SNRPN: variants seen among roughly 807,000 people sequenced by gnomAD.
The protein encoded by SNRPN is small nuclear ribonucleoprotein-associated protein N.
A neutral mutation model predicts 25.2 loss-of-function variants in SNRPN; 7 were observed. The ratio of observed to expected loss-of-function variants is 0.28; its 90% CI spans 0.16 to 0.52. The LOEUF (loss-of-function observed/expected upper bound fraction) is 0.52. Among genes scored for constraint, SNRPN ranks in the 20% least tolerant of loss-of-function variants. The pLI is 0.96. For synonymous variants in SNRPN, 124 were observed against 110.6 expected (o/e 1.12, Z -0.76); for missense variants, 196 against 322.5 (o/e 0.61, Z 3.00).
At chr15:24,882,447 T>C (rs957214966) in intron 1 of SNRPN, among the ~76,000 whole-genome samples, 2 of 152,072 alleles carry the variant, frequency 1.3e-5, no homozygotes, top group African/African-American at 2.4e-5. Flanking sequence ...AGACTAAGAG[T>C]GTGTGATTTC....
chr15:24,846,430 T>A (rs986335437), intron 2 of SNRPN, among the ~76,000 whole-genome samples: 1 of 152,196 alleles, frequency 6.6e-6, no homozygotes, highest in South Asian at 2.1e-4. Context: ...ATTTCTCCTT[T>A]ATTTGAGGCA....
At chr15:24,863,970 C>T (rs896629535) in intron 1 of SNRPN, among the ~76,000 whole-genome samples, 4 of 148,720 alleles carry the variant, frequency 2.7e-5, no homozygotes, top group South Asian at 2.1e-4. Context: ...TTTAGATTAT[C>T]GATTTTTAGA....
In SNRPN at chr15:24,962,175, A is replaced by C; in HGVS notation, c.-329A>C. ...CGTACCAGAGGTGGAAGTCCAAGTC[A>C]AACGCAGAAGGACTGCCTCACTGAG... is the stretch of plus-strand genomic sequence containing the variant. On this transcript the variant is annotated 5_prime_UTR_variant, in exon 2 of 10. Transcript: ENST00000390687. 6.2e-7 allele frequency: 1 copy of C among 1,614,186 alleles called. No homozygotes were observed. Among genetic ancestry groups the C allele is most frequent in the Non-Finnish European group, 8.5e-7 (1 of 1,180,030 alleles).
intron 1 of SNRPN, among the ~76,000 whole-genome samples, chr15:24,960,821 T>G (rs2074669128): frequency 6.6e-6 from 1 of 152,156 alleles, no homozygotes; most frequent in Non-Finnish European, 1.5e-5. Context: ...ATACAAAAGC[T>G]GTAGATAGTT....
At chr15:24,948,719 A>C (rs947977185) in intron 3 of SNRPN, among the ~76,000 whole-genome samples, 1 of 152,080 alleles carries the variant, frequency 6.6e-6, no homozygotes, top group East Asian at 1.9e-4. Flanking sequence ...TACTGGTCGA[A>C]TGTTTGTAGA....
At chr15:24,911,230 G>C in intron 2 of SNRPN, 1 of 448,324 alleles carries the variant, frequency 2.2e-6, no homozygotes, top group Non-Finnish European at 3.9e-6. Context: ...GCCTTGTAAA[G>C]AATTTTTTAA....
chr15:24,967,828 A>AAAG, intron 2 of SNRPN, 104 bp from the exon 3 acceptor site: 1 of 819,924 alleles, frequency 1.2e-6, no homozygotes, highest in Non-Finnish European at 1.9e-6. Flanking sequence ...AAAAAAAAAA[A>AAAG]GGAATATCTT....
intron 1 of SNRPN, among the ~76,000 whole-genome samples, chr15:24,828,105 TAACAC>T (rs2050230223): frequency 2.0e-5 from 3 of 152,114 alleles, no homozygotes; most frequent in South Asian, 4.1e-4. Flanking sequence ...ACATAAAATT[TAACAC>T]AATATTGAGA....
chr15:24,925,200 A>G (rs2060297755), intron 3 of SNRPN, among the ~76,000 whole-genome samples: 1 of 152,194 alleles, frequency 6.6e-6, no homozygotes, highest in Non-Finnish European at 1.5e-5. Context: ...CTCCAAATCC[A>G]TAGTATATAT....
At chr15:24,918,989 ATG>A (rs1435327611) in intron 2 of SNRPN, among the ~76,000 whole-genome samples, 15 of 120,500 alleles carry the variant, frequency 1.2e-4, no homozygotes, top group South Asian at 8.9e-4. Context: ...CATAATATAT[ATG>A]TGCGCATATA....
intron 2 of SNRPN, among the ~76,000 whole-genome samples, chr15:24,835,100 ATATATAC>A (rs2051012230): frequency 1.7e-4 from 3 of 17,928 alleles, no homozygotes; most frequent in African/African-American, 2.2e-4. Context: ...ATATATAGAT[ATATATAC>A]TATATATCTA....
chr15:24,949,427 AT>A (rs2062095997), intron 3 of SNRPN, among the ~76,000 whole-genome samples: 1 of 152,096 alleles, frequency 6.6e-6, no homozygotes, highest in Non-Finnish European at 1.5e-5. Flanking sequence ...AAGTGGGATG[AT>A]TTTTTGAGTG....
At chr15:24,853,807 G>A (rs1048627411), upstream of SNRPN, among the ~76,000 whole-genome samples, 1 of 152,116 alleles carries the variant, frequency 6.6e-6, no homozygotes, top group Non-Finnish European at 1.5e-5. Flanking sequence ...TTACCTATTT[G>A]AATTACTTCT....
At chr15:24,960,914 T>G (rs970414548) in intron 1 of SNRPN, among the ~76,000 whole-genome samples, 2 of 152,202 alleles carry the variant, frequency 1.3e-5, no homozygotes, top group African/African-American at 4.8e-5. Context: ...AATGTGTCTG[T>G]CACCTGAAAA....
chr15:24,930,877 C>G (rs1052155763), intron 3 of SNRPN, among the ~76,000 whole-genome samples: 1 of 148,148 alleles, frequency 6.8e-6, no homozygotes, highest in Admixed American at 6.8e-5. Context: ...CCAGCTTGGG[C>G]GACAAAGCAA....
intron 2 of SNRPN, among the ~76,000 whole-genome samples, chr15:24,834,751 CTA>C (rs796257838): frequency 0.12 from 7,290 of 60,672 alleles, 390 homozygotes; most frequent in South Asian, 0.15. Context: ...CTCTCTCTCT[CTA>C]TATATATATA....
At position 24,866,968 on chromosome 15, in the gene SNRPN, AACAATG is replaced by A. The variant is rs562243016; in HGVS notation, c.-579+10253_-579+10258del. Among the ~76,000 whole-genome samples the A allele has an allele frequency of 3.3e-5, 5 of 152,232 alleles. No homozygotes were observed. The South Asian group carries it at 1.0e-3, about 32-fold the overall frequency. On this transcript the variant is annotated intron_variant, in intron 1 of 11. Coordinates refer to the SNRPN transcript ENST00000400097. ...TTGATTCCGTATGTTTGCTATTGTG[AACAATG>A]TTAAACACTTCTCATTGAGGAGTGT...
chr15:24,897,754 C>T (rs1306828598), intron 2 of SNRPN, among the ~76,000 whole-genome samples: 1 of 152,136 alleles, frequency 6.6e-6, no homozygotes. Flanking sequence ...GGGAGTTCCC[C>T]TGCACAAGCG....
intron 2 of SNRPN, among the ~76,000 whole-genome samples, chr15:24,915,094 G>T (rs530697652): frequency 6.6e-6 from 1 of 152,102 alleles, no homozygotes; most frequent in African/African-American, 2.4e-5. Context: ...AGGGTGATCA[G>T]ATATCAAGGA....
Sources: gnomAD v4.1 joint callset for allele counts (sites outside exome capture counted in the v4.1 genomes callset) on GRCh38, gnomAD v4.1.1 for gene constraint, MANE v1.5 for transcripts, NCBI Gene and HGNC (gene_info 2026-07-23, HGNC 2026-07-21) for gene names.